The following FER1L6 variants were observed in gnomAD, a reference collection of about 807,000 sequenced individuals.
FER1L6 encodes fer-1 like family member 6.
FER1L6 carries 177 observed loss-of-function variants against 219.2 expected under a neutral mutation model. The ratio of observed to expected loss-of-function variants is 0.81; its 90% CI spans 0.71 to 0.91. The LOEUF is 0.91. Ranked by LOEUF, FER1L6 falls within the 40% of genes least tolerant of loss-of-function variation. FER1L6 has a pLI of 0.00. For missense variants in FER1L6, 2,153 were observed against 2,259.9 expected, an observed-to-expected ratio of 0.95 and a Z score of 0.96; for synonymous variants, 768 against 824.3, an observed-to-expected ratio of 0.93 and a Z score of 1.17.
intron 1 of FER1L6, among the ~76,000 whole-genome samples, chr8:123,862,853 A>G (rs1159114161): frequency 1.4e-5 from 2 of 139,086 alleles, no homozygotes; most frequent in East Asian, 2.0e-4. Flanking sequence ...TATTGTGTCT[A>G]TTTGATTCTT....
At chr8:124,049,535 A>T in intron 21 of FER1L6, 72 bp from the exon 22 acceptor site, 2 of 1,507,976 alleles carry the variant, frequency 1.3e-6, no homozygotes, top group South Asian at 1.2e-5. Context: ...TGTGGAGGTG[A>T]TGGCATTGAT....
At chr8:123,891,907 T>C (rs561125242) in intron 1 of FER1L6, among the ~76,000 whole-genome samples, 4 of 152,270 alleles carry the variant, frequency 2.6e-5, no homozygotes, top group East Asian at 1.9e-4. Flanking sequence ...AGGGTCAATT[T>C]TGAGGGATAA....
chr8:124,047,725 G>T (rs1819801628), intron 21 of FER1L6: 2 of 152,170 alleles, frequency 1.3e-5, no homozygotes, highest in South Asian at 4.1e-4. Context: ...GGAGAGAAAG[G>T]AATATGAAAA....
chr8:123,949,291 G>T (rs1162704440), intron 1 of FER1L6, among the ~76,000 whole-genome samples: 1 of 152,062 alleles, frequency 6.6e-6, no homozygotes, highest in Non-Finnish European at 1.5e-5. Flanking sequence ...CTGCAGCAAA[G>T]GTAGTAATTT....
chr8:124,015,403 T>C (rs1421074186), intron 15 of FER1L6, among the ~76,000 whole-genome samples: 2 of 151,682 alleles, frequency 1.3e-5, no homozygotes, highest in African/African-American at 4.8e-5. Flanking sequence ...ATGGAACTAA[T>C]GGAAAAGGAG....
chr8:124,029,082 A>G (rs1298831084), intron 18 of FER1L6, among the ~76,000 whole-genome samples: 1 of 152,160 alleles, frequency 6.6e-6, no homozygotes, highest in Non-Finnish European at 1.5e-5. Context: ...TTCCAGCTTC[A>G]TCCATGCTCC....
At chr8:123,905,244 C>T (rs1433324295) in intron 1 of FER1L6, among the ~76,000 whole-genome samples, 3 of 152,164 alleles carry the variant, frequency 2.0e-5, no homozygotes, top group African/African-American at 7.2e-5. Context: ...CTCCCCCCAA[C>T]ACCCCTGGCA....
rs370783557 is a variant in FER1L6, at chr8:124,071,491, G to A, written c.3967-15G>A. On this transcript the variant is annotated splice_polypyrimidine_tract_variant and intron_variant, in intron 30 of 40. Coordinates refer to ENST00000522917, the MANE Select transcript of FER1L6 (RefSeq NM_001039112.2). Reference sequence around the variant, plus strand: ...TGACCATCTCATTTCAATGGGTTGCGTTTTGTGGTTCCAGGGCTCCTTCTG... The same window carrying A: ...TGACCATCTCATTTCAATGGGTTGCATTTTGTGGTTCCAGGGCTCCTTCTG... 434 of 1,613,814 alleles carry A rather than the reference G, an allele frequency of 2.7e-4. 1 individual carries two copies. Among genetic ancestry groups the A allele is most frequent in the Admixed American group, 4.2e-4 (25 of 60,010 alleles).
Position 124,021,535 on chromosome 8 carries a change from CTT to C in FER1L6, c.2014-14_2014-13del, listed in dbSNP as rs1818451943. ...ATCTCTCGAAAGACCCACACTGACT[CTT>C]GTCTTGTTTTAGGAAGCAATGTGCA... On this transcript the variant is annotated splice_polypyrimidine_tract_variant and intron_variant, in intron 16 of 40. Coordinates refer to ENST00000522917, the MANE Select transcript of FER1L6 (RefSeq NM_001039112.2). 6.2e-7 allele frequency: 1 copy of C among 1,613,634 alleles called. No homozygotes were observed. The highest frequency in any genetic ancestry group is 8.5e-7 in the Non-Finnish European group (1 of 1,179,608).
chr8:123,983,775 T>A (rs1285965308), intron 11 of FER1L6, among the ~76,000 whole-genome samples: 1 of 152,212 alleles, frequency 6.6e-6, no homozygotes, highest in Non-Finnish European at 1.5e-5. Flanking sequence ...AATGAATATA[T>A]GCAAATATGC....
intron 17 of FER1L6, among the ~76,000 whole-genome samples, chr8:124,022,773 G>GA (rs1246445854): frequency 6.6e-6 from 1 of 151,734 alleles, no homozygotes; most frequent in African/African-American, 2.4e-5. Context: ...TACAAGATTG[G>GA]AAAAAAAATC....
chr8:123,973,353 A>AC, intron 6 of FER1L6, 81 bp from the exon 7 acceptor site: 1 of 1,146,890 alleles, frequency 8.7e-7, no homozygotes. Context: ...TGTGCTCCAG[A>AC]CAGGGTCAAA....
intron 1 of FER1L6, among the ~76,000 whole-genome samples, chr8:123,936,457 A>T (rs1342800003): frequency 7.7e-6 from 1 of 129,430 alleles, no homozygotes; most frequent in Non-Finnish European, 1.6e-5. Flanking sequence ...AGATAATTGC[A>T]GCCTGTTTTT....
rs61303449 is a variant in FER1L6, at chr8:123,852,471, CGTGT to C, written c.-8+325_-8+328del. 0.21 allele frequency among the ~76,000 whole-genome samples: 28,877 copies of C among 139,778 alleles called. 3,206 individuals carry two copies. Among genetic ancestry groups the C allele is most frequent in the Middle Eastern group, 0.31 (88 of 280 alleles). The allele number at this position is 139,778 out of a possible 152,430, so 91.7% of individuals were successfully genotyped here. A position where few individuals can be genotyped will look rare whatever the true frequency, so the allele number is the denominator to read the frequency against. The stretch of plus-strand genomic sequence containing the variant: ...GCTTGAACTCCATGTTGTGAGCATG[CGTGT>C]GTGTGTGTGTGTGTGTGTGTGTGTG... On this transcript the variant is annotated intron_variant, in intron 1 of 40. Coordinates refer to ENST00000522917, the MANE Select transcript of FER1L6 (RefSeq NM_001039112.2). The surrounding 1 kb of genome is among the most constrained non-coding windows in gnomAD (Gnocchi z 4.9).
intron 1 of FER1L6, among the ~76,000 whole-genome samples, chr8:123,904,385 A>C (rs186625515): frequency 1.3e-5 from 2 of 151,950 alleles, no homozygotes; most frequent in East Asian, 3.9e-4. Flanking sequence ...AAATAATCAC[A>C]CTGCACACCC....
rs779561718 is a variant in FER1L6, at chr8:123,966,275, C to A, written c.369C>A (p.Ser123Arg). The A allele has an allele frequency of 6.2e-7, 1 of 1,614,108 alleles. No individual in the cohort carries two copies. The highest frequency in any genetic ancestry group is 8.5e-7 in the Non-Finnish European group (1 of 1,179,994). The part of the protein sequence containing the change: ...KQSTVKEGTN[S>R]PFYNEYFVFD... ...GCACAGTGAAGGAAGGAACCAACAG[C>A]CCATTTTATAATGAAGTAAGTCATG... Residue 123 changes from serine (S) to arginine (R), a missense_variant, in exon 5 of 41, where the codon AGC (serine) becomes AGA (arginine). Transcript: ENST00000522917.
chr8:124,085,227 C>A lies in FER1L6; in HGVS notation c.4391+2769C>A, dbSNP rs1821730885. On this transcript the variant is annotated intron_variant, in intron 33 of 40. Transcript: ENST00000522917. The stretch of plus-strand genomic sequence containing the variant: ...TTTGTTTATCTTTTTGAAAAACCAA[C>A]TTTTCATTTTGTTAATCTTATCTCT... 2.0e-5 allele frequency among the ~76,000 whole-genome samples: 3 copies of A among 151,966 alleles called. No homozygotes were observed. In the South Asian group the frequency reaches 6.2e-4, roughly 31 times the overall value.
Position 124,118,878 on chromosome 8 carries a change from C to A in FER1L6, c.5324C>A (p.Ala1775Glu), listed in dbSNP as rs1823359627. The A allele has an allele frequency of 6.2e-7, 1 of 1,613,996 alleles. No individual in the cohort carries two copies. The highest frequency in any genetic ancestry group is 8.5e-7 in the Non-Finnish European group (1 of 1,179,940). ...GAAGCTGAGTTCCACCTAGTTACAG[C>A]AGAAGAAGCTGAGAAAAATCCTGTT... ...KVEAEFHLVT[A>E]EEAEKNPVGK... Residue 1775 changes from alanine to glutamate, a missense_variant, in exon 40 of 41, where the codon GCA (alanine) becomes GAA (glutamate). Coordinates refer to ENST00000522917, the MANE Select transcript of FER1L6 (RefSeq NM_001039112.2).
At chr8:123,884,229 G>T (rs572766360) in intron 1 of FER1L6, among the ~76,000 whole-genome samples, 17 of 152,328 alleles carry the variant, frequency 1.1e-4, no homozygotes, top group African/African-American at 4.1e-4. Context: ...CTGGGTGGGT[G>T]TATCAGGGAA....
Sources: allele counts gnomAD v4.1 joint callset (sites outside exome capture counted in the v4.1 genomes callset), GRCh38; gene constraint gnomAD v4.1.1; non-coding constraint Gnocchi (gnomAD v3.1); transcripts MANE v1.5; gene names NCBI Gene and HGNC (gene_info 2026-07-23, HGNC 2026-07-21).